PTPRD: variants seen among roughly 807,000 people sequenced by gnomAD.
PTPRD encodes receptor-type tyrosine-protein phosphatase delta.
PTPRD carries 34 observed loss-of-function variants against 214.5 expected under a neutral mutation model. The observed-to-expected ratio is 0.16, with a 90% CI of 0.12 to 0.21. The LOEUF (loss-of-function observed/expected upper bound fraction) is 0.21, where lower values mean the gene tolerates loss of function less well. PTPRD is among the 10% of genes least tolerant of loss of function. The pLI is 1.00. For missense variants in PTPRD, 2,545 were observed against 2,398.7 expected (o/e 1.06, Z -1.27); for synonymous variants, 1,128 against 845.7 (o/e 1.33, Z -5.79).
At chr9:9,343,891 A>G (rs1468120659) in intron 9 of PTPRD, among the ~76,000 whole-genome samples, 1 of 152,152 alleles carries the variant, frequency 6.6e-6, no homozygotes, top group Non-Finnish European at 1.5e-5. Flanking sequence ...GTCCAATACC[A>G]ATGAGAAGAA....
chr9:8,826,673 T>C (rs1402448866), intron 11 of PTPRD, among the ~76,000 whole-genome samples: 1 of 149,948 alleles, frequency 6.7e-6, no homozygotes, highest in Non-Finnish European at 1.5e-5. Flanking sequence ...AATTTGCAAT[T>C]GTGTATTCAT....
rs958420382 is a variant in PTPRD, at chr9:8,851,636, G to A, written c.-103-117690C>T. On this transcript the variant is annotated intron_variant, in intron 11 of 45. Coordinates refer to ENST00000381196, the MANE Select transcript of PTPRD (RefSeq NM_002839.4). ...ATAGGAACTAGTGTTCTTGAATATG[G>A]TATGTTCATTACGTGACTTCTACAT... is the stretch of plus-strand genomic sequence containing the variant. Among the ~76,000 whole-genome samples, 5 of 152,150 alleles carry A rather than the reference G, an allele frequency of 3.3e-5. No individual in the cohort carries two copies. The South Asian group carries it at 8.3e-4, about 25-fold the overall frequency.
chr9:9,120,269 A>C (rs2099816353), intron 10 of PTPRD, among the ~76,000 whole-genome samples: 1 of 152,224 alleles, frequency 6.6e-6, no homozygotes, highest in Non-Finnish European at 1.5e-5. Context: ...TATTAATAAC[A>C]TCTTGCAGAA....
chr9:8,917,135 CTT>C (rs35316380), intron 11 of PTPRD, among the ~76,000 whole-genome samples: 31 of 114,246 alleles, frequency 2.7e-4, no homozygotes, highest in Admixed American at 3.7e-4. Context: ...TCTTCTTCTT[CTT>C]TTTTTTTTTT....
chr9:9,419,816 T>C (rs1392437630), intron 8 of PTPRD, among the ~76,000 whole-genome samples: 2 of 151,776 alleles, frequency 1.3e-5, no homozygotes, highest in African/African-American at 4.8e-5. Context: ...TAGACTTTTG[T>C]ATGTAAACAT....
intron 3 of PTPRD, among the ~76,000 whole-genome samples, chr9:10,211,784 T>G (rs545163159): frequency 6.6e-6 from 1 of 152,014 alleles, no homozygotes; most frequent in South Asian, 2.1e-4. Flanking sequence ...ATAATAGGCA[T>G]TGGGAAATCG....
chr9:9,714,091 A>C (rs2097779188), intron 7 of PTPRD, among the ~76,000 whole-genome samples: 2 of 24,856 alleles, frequency 8.0e-5, no homozygotes, highest in South Asian at 1.5e-3. Context: ...CACTTGCGCA[A>C]AAAAAAAAAA....
intron 9 of PTPRD, among the ~76,000 whole-genome samples, chr9:9,195,020 A>ATG (rs1312489470): frequency 1.4e-5 from 2 of 140,352 alleles, no homozygotes; most frequent in Non-Finnish European, 3.2e-5. Flanking sequence ...CCTATGGTAT[A>ATG]TATGTGTGTG....
chr9:10,467,706 A>C (rs1052850602), intron 2 of PTPRD, among the ~76,000 whole-genome samples: 1 of 152,254 alleles, frequency 6.6e-6, no homozygotes, highest in Admixed American at 6.5e-5. Context: ...ATAGAGATGC[A>C]AATTGTAATG....
At chr9:9,443,917 T>G (rs1261905250) in intron 8 of PTPRD, among the ~76,000 whole-genome samples, 3 of 152,222 alleles carry the variant, frequency 2.0e-5, no homozygotes, top group Non-Finnish European at 2.9e-5. Flanking sequence ...TGCACTTATA[T>G]TCATTCATGT....
intron 9 of PTPRD, among the ~76,000 whole-genome samples, chr9:9,321,556 G>GAA (rs3048028): frequency 1.4e-5 from 2 of 138,508 alleles, no homozygotes; most frequent in Non-Finnish European, 3.1e-5. Flanking sequence ...ACTCCACTGA[G>GAA]AAAAAAAAAA....
chr9:8,327,284 T>G (rs1834864599), intron 44 of PTPRD, among the ~76,000 whole-genome samples: 2 of 152,100 alleles, frequency 1.3e-5, no homozygotes, highest in Non-Finnish European at 2.9e-5. Context: ...ATTCTGTTAT[T>G]TACCCAGTAG....
chr9:9,892,780 G>A (rs1043627693), intron 5 of PTPRD, among the ~76,000 whole-genome samples: 1 of 151,744 alleles, frequency 6.6e-6, no homozygotes, highest in East Asian at 1.9e-4. Context: ...CAGGGAAATA[G>A]CAATGGAAAG....
intron 11 of PTPRD, among the ~76,000 whole-genome samples, chr9:8,992,162 CTATT>C (rs2099373677): frequency 6.6e-6 from 1 of 152,054 alleles, no homozygotes; most frequent in Admixed American, 6.6e-5. Context: ...GTGGAAATAA[CTATT>C]TAACCCTGAA....
rs139442572 is a variant in PTPRD at position 10,126,563 on chromosome 9, A to T, written c.-544-92773T>A. Reference sequence around the variant, plus strand: ...TATTTGACCACATCAATGTTGTTATAACTCAATAACTAGTCTATACTCTTC... The same window carrying T: ...TATTTGACCACATCAATGTTGTTATTACTCAATAACTAGTCTATACTCTTC... On this transcript the variant is annotated intron_variant, in intron 3 of 45. Coordinates refer to ENST00000381196, the MANE Select transcript of PTPRD (RefSeq NM_002839.4). Among the ~76,000 whole-genome samples, 275 of 152,210 alleles carry T rather than the reference A, an allele frequency of 1.8e-3. 1 individual carries two copies. Among genetic ancestry groups the T allele is most frequent in the Middle Eastern group, 0.017 (5 of 294 alleles).
chr9:10,234,050 C>T (rs1412811308), intron 3 of PTPRD, among the ~76,000 whole-genome samples: 1 of 151,344 alleles, frequency 6.6e-6, no homozygotes, highest in African/African-American at 2.4e-5. Flanking sequence ...GTCAGGAATT[C>T]GAGACCAGCC....
chr9:8,862,894 G>A (rs1286510648), intron 11 of PTPRD, among the ~76,000 whole-genome samples: 1 of 148,918 alleles, frequency 6.7e-6, no homozygotes, highest in Non-Finnish European at 1.5e-5. Context: ...ACAGGAAGGG[G>A]AACATCACAC....
intron 14 of PTPRD, among the ~76,000 whole-genome samples, chr9:8,594,036 A>G (rs1037497089): frequency 1.3e-5 from 2 of 152,194 alleles, no homozygotes; most frequent in Non-Finnish European, 2.9e-5. Flanking sequence ...CTAGATCCCA[A>G]GTTAACTTCC....
chr9:9,896,041 T>G (rs942223141), intron 5 of PTPRD, among the ~76,000 whole-genome samples: 1 of 152,032 alleles, frequency 6.6e-6, no homozygotes, highest in Non-Finnish European at 1.5e-5. Flanking sequence ...ACTACAAAGC[T>G]TAGGGCCCAT....
Sources: allele counts gnomAD v4.1 joint callset (sites outside exome capture counted in the v4.1 genomes callset), GRCh38; gene constraint gnomAD v4.1.1; transcripts MANE v1.5; gene names NCBI Gene and HGNC (gene_info 2026-07-23, HGNC 2026-07-21).